PCCA: variants seen among roughly 807,000 people sequenced by gnomAD.
The protein encoded by PCCA is propionyl-CoA carboxylase alpha chain, mitochondrial.
A neutral mutation model predicts 101.3 loss-of-function variants in PCCA; 74 were observed. That is an observed-to-expected ratio of 0.73 (90% CI 0.61 to 0.89). The LOEUF (loss-of-function observed/expected upper bound fraction) is 0.89. PCCA is among the 40% of genes least tolerant of loss of function. PCCA has a pLI of 0.00. For synonymous variants in PCCA, 294 were observed against 313.6 expected (o/e 0.94, Z 0.66); for missense variants, 891 against 907.0 (o/e 0.98, Z 0.23).
chr13:100,480,774 A>G (rs1481565273), intron 21 of PCCA, among the ~76,000 whole-genome samples: 2 of 152,220 alleles, frequency 1.3e-5, no homozygotes, highest in African/African-American at 4.8e-5. Flanking sequence ...CCCTAGAGAA[A>G]GTAAAAATTT....
intron 21 of PCCA, among the ~76,000 whole-genome samples, chr13:100,456,732 C>G (rs1424338170): frequency 6.6e-6 from 1 of 152,180 alleles, no homozygotes; most frequent in Non-Finnish European, 1.5e-5. Context: ...AAGACTTTTA[C>G]TATTTCTTCT....
At chr13:100,435,097 A>G (rs2079830707) in intron 20 of PCCA, among the ~76,000 whole-genome samples, 1 of 152,166 alleles carries the variant, frequency 6.6e-6, no homozygotes, top group African/African-American at 2.4e-5. Flanking sequence ...TATAAAGAAA[A>G]ACCTGAGACT....
chr13:100,467,617 G>A (rs769907604), intron 21 of PCCA, among the ~76,000 whole-genome samples: 11 of 152,146 alleles, frequency 7.2e-5, no homozygotes, highest in Admixed American at 2.0e-4. Flanking sequence ...TGATCCACCC[G>A]CCTTGGCCTC....
intron 6 of PCCA, among the ~76,000 whole-genome samples, chr13:100,186,801 T>G (rs532311536): frequency 6.6e-6 from 1 of 150,942 alleles, no homozygotes; most frequent in South Asian, 2.1e-4. Flanking sequence ...AATCTGAGAA[T>G]GTTTTCTACA....
rs1016134709 is a variant in PCCA at position 100,328,446 on chromosome 13, C to T, written c.1430-2115C>T. Among the ~76,000 whole-genome samples the T allele has an allele frequency of 3.3e-5, 5 of 149,472 alleles. No homozygotes were observed. The Admixed American group carries it at 3.3e-4, about 10-fold the overall frequency. The stretch of plus-strand genomic sequence containing the variant: ...TATATTTTATGTGAATATCTTCTCT[C>T]AGGCTGTAGTTTGTTATTTTATTTT... On this transcript the variant is annotated intron_variant, in intron 16 of 23. Coordinates refer to ENST00000376285, the MANE Select transcript of PCCA (RefSeq NM_000282.4).
At chr13:100,206,371 A>G (rs981070216) in intron 6 of PCCA, among the ~76,000 whole-genome samples, 3 of 152,164 alleles carry the variant, frequency 2.0e-5, no homozygotes, top group Admixed American at 6.5e-5. Flanking sequence ...GGTTCAAGCA[A>G]TTCTCCTGCC....
chr13:100,155,229 T>C (rs2053760312), intron 5 of PCCA, 137 bp downstream of exon 5: 2 of 689,470 alleles, frequency 2.9e-6, no homozygotes, highest in South Asian at 1.6e-5. Context: ...ATGAGTTAAA[T>C]GTGGTCGAAT....
intron 7 of PCCA, among the ~76,000 whole-genome samples, chr13:100,227,701 T>G (rs2060224502): frequency 1.3e-5 from 2 of 152,206 alleles, no homozygotes; most frequent in African/African-American, 2.4e-5. Context: ...AACCTGAGTG[T>G]GCCTTCCCTC....
chr13:100,470,518 C>G (rs1221373877), intron 21 of PCCA, among the ~76,000 whole-genome samples: 1 of 152,052 alleles, frequency 6.6e-6, no homozygotes, highest in East Asian at 1.9e-4. Context: ...GTACAAGACC[C>G]CCTAAGACTC....
intron 22 of PCCA, among the ~76,000 whole-genome samples, chr13:100,524,983 G>GGATGGATGGATAAATAGATA (rs1555330339): frequency 5.1e-5 from 7 of 137,174 alleles, no homozygotes; most frequent in Non-Finnish European, 8.2e-5. Context: ...TCTCTAAGAT[G>GGATGGATGGATAAATAGATA]GATAGATAGA....
At chr13:100,112,974 T>A (rs2048462104) in intron 4 of PCCA, among the ~76,000 whole-genome samples, 1 of 152,256 alleles carries the variant, frequency 6.6e-6, no homozygotes, top group Non-Finnish European at 1.5e-5. Context: ...GCATGAAATA[T>A]AAGTAGTTGA....
intron 8 of PCCA, among the ~76,000 whole-genome samples, chr13:100,255,795 G>T (rs1032302553): frequency 6.6e-6 from 1 of 152,128 alleles, no homozygotes; most frequent in Non-Finnish European, 1.5e-5. Context: ...ATAATCTCTT[G>T]CAGAATCAAG....
At position 100,307,204 on chromosome 13, in the gene PCCA, A is replaced by G. The variant is rs775348912; in HGVS notation, c.1297A>G (p.Ser433Gly). ...TTTTTTCTCCCAGGTCCGAGTGGACAGTGGCATCCAACCAGGAAGTGATAT... is the reference window on the plus strand; with the variant it reads ...TTTTTTCTCCCAGGTCCGAGTGGACGGTGGCATCCAACCAGGAAGTGATAT... ...PLHLPGVRVD[S>G]GIQPGSDISI... Residue 433 changes from serine to glycine, a missense_variant, in exon 15 of 24, where the codon AGT (serine) becomes GGT (glycine). Physicochemically the swap from Ser to Gly is moderately conservative, Grantham distance 56. Transcript: ENST00000376285. 1 of 1,610,626 alleles carries G rather than the reference A, an allele frequency of 6.2e-7. No individual in the cohort carries two copies. The highest frequency in any genetic ancestry group is 1.1e-5 in the South Asian group (1 of 91,030).
chr13:100,429,979 T>TA (rs986321075), intron 20 of PCCA, among the ~76,000 whole-genome samples: 16 of 151,526 alleles, frequency 1.1e-4, no homozygotes, highest in Admixed American at 1.1e-3. Flanking sequence ...CTATCTAGAT[T>TA]AAAAAAAAGA....
chr13:100,333,111 CTT>C (rs1205857353), intron 17 of PCCA, among the ~76,000 whole-genome samples: 1 of 152,196 alleles, frequency 6.6e-6, no homozygotes, highest in Non-Finnish European at 1.5e-5. Context: ...ATGTCTCCCT[CTT>C]GTTTTATTTT....
At chr13:100,113,276 G>A (rs1438308002) in intron 4 of PCCA, among the ~76,000 whole-genome samples, 3 of 152,106 alleles carry the variant, frequency 2.0e-5, no homozygotes, top group Non-Finnish European at 4.4e-5. Context: ...GTATATAAGT[G>A]TATCTAAACA....
intron 12 of PCCA, among the ~76,000 whole-genome samples, chr13:100,281,146 T>C (rs976915132): frequency 1.3e-5 from 2 of 152,186 alleles, no homozygotes; most frequent in African/African-American, 4.8e-5. Flanking sequence ...GCAATTCACA[T>C]ATGCCAGAGA....
At chr13:100,457,676 G>C (rs567680945) in intron 21 of PCCA, among the ~76,000 whole-genome samples, 1 of 152,296 alleles carries the variant, frequency 6.6e-6, no homozygotes, top group East Asian at 1.9e-4. Flanking sequence ...ACTCTACCAA[G>C]GCCATTTACT....
intron 21 of PCCA, among the ~76,000 whole-genome samples, chr13:100,489,328 G>A (rs1315067004): frequency 2.6e-5 from 4 of 152,078 alleles, no homozygotes; most frequent in Non-Finnish European, 5.9e-5. Flanking sequence ...AAGTTTTATC[G>A]GAACACAGCC....
Sources: allele counts gnomAD v4.1 joint callset (sites outside exome capture counted in the v4.1 genomes callset), GRCh38; gene constraint gnomAD v4.1.1; transcripts MANE v1.5; gene names NCBI Gene and HGNC (gene_info 2026-07-23, HGNC 2026-07-21).